Variants in HS3ST4 observed in about 807,000 individuals in gnomAD.
HS3ST4 encodes the protein heparan sulfate-glucosamine 3-sulfotransferase 4.
A neutral mutation model predicts 29.2 loss-of-function variants in HS3ST4; 17 were observed. The ratio of observed to expected loss-of-function variants is 0.58; its 90% confidence interval spans 0.40 to 0.87. The LOEUF is 0.87. Among genes scored for constraint, HS3ST4 ranks in the 40% least tolerant of loss-of-function variants. HS3ST4 has a pLI of 0.00. For missense variants in HS3ST4, 627 were observed against 634.5 expected, an observed-to-expected ratio of 0.99 and a Z score of 0.13; for synonymous variants, 314 against 285.7, an observed-to-expected ratio of 1.10 and a Z score of -1.00.
At chr16:26,089,695 T>C (rs1414622622) in intron 1 of HS3ST4, among the ~76,000 whole-genome samples, 2 of 152,230 alleles carry the variant, frequency 1.3e-5, no homozygotes, top group Non-Finnish European at 2.9e-5. Context: ...GGAAGCTTTG[T>C]CACTTAAGGC....
intron 1 of HS3ST4, among the ~76,000 whole-genome samples, chr16:25,792,921 A>G (rs1292417728): frequency 1.3e-5 from 2 of 151,918 alleles, no homozygotes; most frequent in African/African-American, 4.8e-5. Flanking sequence ...TAAAAGCTGT[A>G]CATTTCCCTC....
intron 1 of HS3ST4, among the ~76,000 whole-genome samples, chr16:25,873,733 T>TAGCAAGCCATCCAGTC (rs1967796412): frequency 6.6e-6 from 1 of 151,334 alleles, no homozygotes; most frequent in African/African-American, 2.4e-5. Flanking sequence ...TCCATCCAGC[T>TAGCAAGCCATCCAGTC]AGCAAGCCAT....
intron 1 of HS3ST4, among the ~76,000 whole-genome samples, chr16:25,923,628 G>T (rs561482311): frequency 1.3e-5 from 2 of 152,220 alleles, no homozygotes; most frequent in East Asian, 3.9e-4. Context: ...AAATATATGT[G>T]TGTGTGTGTG....
intron 1 of HS3ST4, among the ~76,000 whole-genome samples, chr16:25,961,098 AAT>A (rs1363519082): frequency 6.6e-6 from 1 of 152,182 alleles, no homozygotes; most frequent in African/African-American, 2.4e-5. Flanking sequence ...GGGACAGTTT[AAT>A]ATATCTTCCA....
intron 1 of HS3ST4, among the ~76,000 whole-genome samples, chr16:26,076,579 G>C (rs1362556273): frequency 6.6e-6 from 1 of 152,106 alleles, no homozygotes; most frequent in Admixed American, 6.5e-5. Flanking sequence ...AACAATTTTT[G>C]GTTCTCCCAC....
intron 1 of HS3ST4, among the ~76,000 whole-genome samples, chr16:26,120,511 G>A (rs55743832): frequency 0.047 from 7,119 of 152,288 alleles, 267 homozygotes; most frequent in Non-Finnish European, 0.075. Context: ...GCTTCTGGCT[G>A]AATTTACTCA....
chr16:25,987,375 A>G (rs982302715), intron 1 of HS3ST4, among the ~76,000 whole-genome samples: 2 of 152,180 alleles, frequency 1.3e-5, no homozygotes, highest in Admixed American at 6.5e-5. Context: ...AATACTTCTA[A>G]TAATTTTTAC....
chr16:25,697,819 C>G (rs140299036), intron 1 of HS3ST4, among the ~76,000 whole-genome samples: 2,524 of 152,154 alleles, frequency 0.017, 70 homozygotes, highest in African/African-American at 0.057. Flanking sequence ...ACTACAGGTG[C>G]GCACCACCAC....
At chr16:25,818,996 C>T (rs1284741473) in intron 1 of HS3ST4, among the ~76,000 whole-genome samples, 1 of 151,960 alleles carries the variant, frequency 6.6e-6, no homozygotes, top group East Asian at 1.9e-4. Context: ...CATGCAGGAC[C>T]CCAGATTCTA....
At chr16:26,128,116 G>C in intron 1 of HS3ST4, among the ~76,000 whole-genome samples, 1 of 150,930 alleles carries the variant, frequency 6.6e-6, no homozygotes, top group African/African-American at 2.4e-5. Flanking sequence ...ATTCCTTTCT[G>C]TCTCCTCTCT....
At chr16:26,058,786 C>T (rs746400864) in intron 1 of HS3ST4, among the ~76,000 whole-genome samples, 16 of 152,144 alleles carry the variant, frequency 1.1e-4, no homozygotes, top group Non-Finnish European at 2.1e-4. Flanking sequence ...CAGTCCCTTT[C>T]TGGTGCAGAT....
chr16:26,118,754 C>T (rs1036768972), intron 1 of HS3ST4, among the ~76,000 whole-genome samples: 1 of 151,956 alleles, frequency 6.6e-6, no homozygotes, highest in Non-Finnish European at 1.5e-5. Context: ...AATGCCAGGT[C>T]CCTGCAGGGA....
intron 1 of HS3ST4, among the ~76,000 whole-genome samples, chr16:25,992,135 A>G (rs142887147): frequency 6.6e-6 from 1 of 152,242 alleles, no homozygotes; most frequent in Non-Finnish European, 1.5e-5. Flanking sequence ...ACTCTGACAC[A>G]TTCCCTGTCC....
chr16:26,069,974 T>G (rs1024361368), intron 1 of HS3ST4, among the ~76,000 whole-genome samples: 6 of 152,150 alleles, frequency 3.9e-5, no homozygotes, highest in African/African-American at 7.2e-5. Context: ...CATTTGGGTT[T>G]GTTCCAAGTC....
chr16:25,968,131 C>T (rs1968861637), intron 1 of HS3ST4, among the ~76,000 whole-genome samples: 1 of 152,020 alleles, frequency 6.6e-6, no homozygotes, highest in African/African-American at 2.4e-5. Flanking sequence ...AACTCAGGGC[C>T]AGAAAGAGTC....
At chr16:26,110,837 C>G (rs1899118921) in intron 1 of HS3ST4, among the ~76,000 whole-genome samples, 1 of 152,094 alleles carries the variant, frequency 6.6e-6, no homozygotes, top group African/African-American at 2.4e-5. Context: ...CTCTCACGCT[C>G]TCCAGCTACA....
intron 1 of HS3ST4, among the ~76,000 whole-genome samples, chr16:26,081,170 C>T (rs1189864415): frequency 6.6e-6 from 1 of 151,892 alleles, no homozygotes; most frequent in African/African-American, 2.4e-5. Flanking sequence ...TCCTGTAGTC[C>T]CAGCTATTTG....
intron 1 of HS3ST4, among the ~76,000 whole-genome samples, chr16:25,695,834 T>G (rs1217090014): frequency 1.3e-5 from 2 of 152,238 alleles, no homozygotes; most frequent in Non-Finnish European, 2.9e-5. Flanking sequence ...TGTTATTTTG[T>G]TTAAATGTGC....
Position 26,121,672 on chromosome 16 carries a change from G to A in HS3ST4, c.735-13940G>A, listed in dbSNP as rs79200004. 6.9e-3 allele frequency among the ~76,000 whole-genome samples: 1,053 copies of A among 152,252 alleles called. 6 individuals carry two copies. Among genetic ancestry groups the A allele is most frequent in the Non-Finnish European group, 0.011 (715 of 68,022 alleles). ...GAGAGACCTGGAGCGCAGGCTTCCC[G>A]AGAGGAGCCCTCTGTTGTCACTGTC... On this transcript the variant is annotated intron_variant, in intron 1 of 1. Transcript: ENST00000331351.
Sources: allele counts gnomAD v4.1 joint callset (sites outside exome capture counted in the v4.1 genomes callset), GRCh38; gene constraint gnomAD v4.1.1; transcripts MANE v1.5; gene names NCBI Gene and HGNC (gene_info 2026-07-23, HGNC 2026-07-21).